The following PITPNM3 variants were observed in gnomAD, a reference collection of about 807,000 sequenced individuals.
The protein encoded by PITPNM3 is membrane-associated phosphatidylinositol transfer protein 3.
A neutral mutation model predicts 102.0 loss-of-function variants in PITPNM3; 26 were observed. The ratio of observed to expected loss-of-function variants is 0.25; its 90% CI spans 0.19 to 0.35. The LOEUF is 0.35. Ranked by LOEUF, PITPNM3 falls within the 10% of genes least tolerant of loss-of-function variation. PITPNM3 has a pLI of 1.00. For missense variants in PITPNM3, 1,083 were observed against 1,346.1 expected (o/e 0.80, Z 3.06); for synonymous variants, 578 against 558.6 (o/e 1.03, Z -0.49).
Position 6,483,576 on chromosome 17 carries a change from G to A in PITPNM3, c.528C>T (p.Ile176=), listed in dbSNP as rs1235896213. 6.2e-7 allele frequency: 1 copy of A among 1,613,970 alleles called. No individual in the cohort carries two copies. Among genetic ancestry groups the A allele is most frequent in the East Asian group, 2.2e-5 (1 of 44,870 alleles). The change falls in exon 6 of 20, where the codon ATC becomes ATT. Residue 176 remains isoleucine (I), a synonymous_variant. Coordinates refer to ENST00000262483, the MANE Select transcript of PITPNM3 (RefSeq NM_031220.4). ...RAHFPAALGH[I]LIKFVPCPAI... ...CAGGACAGGGGACGAACTTGATGAG[G>A]ATGTGGCCCAGGGCAGCAGGGAAAT...
At chr17:6,546,261 G>A (rs1375919650) in intron 1 of PITPNM3, among the ~76,000 whole-genome samples, 1 of 152,222 alleles carries the variant, frequency 6.6e-6, no homozygotes, top group Non-Finnish European at 1.5e-5. Flanking sequence ...TGTTTCAGGG[G>A]ACACGCCAGG....
intron 4 of PITPNM3, among the ~76,000 whole-genome samples, chr17:6,489,952 C>T (rs1241084890): frequency 2.6e-5 from 4 of 151,218 alleles, no homozygotes; most frequent in East Asian, 1.9e-4. Flanking sequence ...TGCAGTGAGC[C>T]GAGATCACAC....
chr17:6,529,382 C>T (rs1028499325), intron 2 of PITPNM3, among the ~76,000 whole-genome samples: 3 of 152,090 alleles, frequency 2.0e-5, no homozygotes, highest in Non-Finnish European at 2.9e-5. Flanking sequence ...ATCACAAGGG[C>T]AGGAGTTCGA....
chr17:6,453,032 G>A lies in PITPNM3; in HGVS notation c.*2306C>T, dbSNP rs372733033. The A allele has an allele frequency of 2.9e-5, 4 of 139,044 alleles. No homozygotes were observed. The highest frequency in any genetic ancestry group is 6.1e-5 in the Non-Finnish European group (4 of 65,904). The allele number at this position is 139,044 out of a possible 1,614,324, so 8.6% of individuals were successfully genotyped here. On this transcript the variant is annotated 3_prime_UTR_variant, in exon 20 of 20. Transcript: ENST00000262483. The stretch of plus-strand genomic sequence containing the variant: ...TCTCTCTCTCTCTCTCTGCCTTCCT[G>A]TCTTTCTTTCTCCCTCTCTCTCTCT...
intron 17 of PITPNM3, among the ~76,000 whole-genome samples, chr17:6,462,269 C>G (rs530771088): frequency 7.2e-5 from 11 of 152,252 alleles, no homozygotes; most frequent in African/African-American, 2.6e-4. Flanking sequence ...TCCTGTACAT[C>G]GCAAATCTAA....
At chr17:6,515,699 T>C (rs925400179) in intron 3 of PITPNM3, among the ~76,000 whole-genome samples, 4 of 145,308 alleles carry the variant, frequency 2.8e-5, no homozygotes, top group African/African-American at 5.2e-5. Flanking sequence ...CAATCTTAAG[T>C]GTGTAGTTAT....
Position 6,472,179 on chromosome 17 carries a change from C to T in PITPNM3, c.1429+478G>A, listed in dbSNP as rs542729911. On this transcript the variant is annotated intron_variant, in intron 11 of 19. Coordinates refer to ENST00000262483, the MANE Select transcript of PITPNM3 (RefSeq NM_031220.4). The surrounding 1 kb of genome is among the most constrained non-coding windows in gnomAD (Gnocchi z 4.1). ...CTTCGCCAAAACACCTGCCCTCGCTCCTGCTGTTCTCCCTGCCTGGAAGAT... is the reference window on the plus strand; with the variant it reads ...CTTCGCCAAAACACCTGCCCTCGCTTCTGCTGTTCTCCCTGCCTGGAAGAT... Among the ~76,000 whole-genome samples, 1 of 152,300 alleles carries T rather than the reference C, an allele frequency of 6.6e-6. No homozygotes were observed. Among genetic ancestry groups the T allele is most frequent in the African/African-American group, 2.4e-5 (1 of 41,570 alleles).
chr17:6,491,073 A>G (rs1597380798), intron 4 of PITPNM3, among the ~76,000 whole-genome samples: 1 of 39,784 alleles, frequency 2.5e-5, no homozygotes, highest in African/African-American at 1.1e-4. Context: ...GGGGGAGGGG[A>G]GGAAAGGGGA....
intron 2 of PITPNM3, among the ~76,000 whole-genome samples, chr17:6,532,926 G>A (rs1411393967): frequency 1.3e-5 from 2 of 152,118 alleles, no homozygotes; most frequent in South Asian, 2.1e-4. Flanking sequence ...CCCGCCAGCC[G>A]AGTTTGAAAG....
intron 1 of PITPNM3, among the ~76,000 whole-genome samples, chr17:6,552,881 C>T (rs928973907): frequency 6.6e-6 from 1 of 151,566 alleles, no homozygotes; most frequent in Admixed American, 6.6e-5. Flanking sequence ...ATTCTCTCGC[C>T]TCAGCCTCTC....
At chr17:6,482,499 T>C (rs1004727387) in intron 6 of PITPNM3, among the ~76,000 whole-genome samples, 3 of 152,150 alleles carry the variant, frequency 2.0e-5, no homozygotes, top group African/African-American at 4.8e-5. Flanking sequence ...TGATTCAGCA[T>C]TTTCCTGAGT....
At chr17:6,495,856 T>C (rs932456069) in intron 4 of PITPNM3, among the ~76,000 whole-genome samples, 1 of 152,182 alleles carries the variant, frequency 6.6e-6, no homozygotes, top group Non-Finnish European at 1.5e-5. Flanking sequence ...GGGCGATTCT[T>C]CCACGTGGAA....
At chr17:6,542,741 G>C (rs1178718254) in intron 1 of PITPNM3, among the ~76,000 whole-genome samples, 1 of 152,210 alleles carries the variant, frequency 6.6e-6, no homozygotes, top group Admixed American at 6.5e-5. Flanking sequence ...CAAGGATTGA[G>C]GCAGGGTAAG....
In PITPNM3 at chr17:6,453,149, C is replaced by T. The variant is rs1913942231; in HGVS notation, c.*2189G>A. 6.6e-6 allele frequency: 1 copy of T among 151,810 alleles called. No homozygotes were observed. Among genetic ancestry groups the T allele is most frequent in the African/African-American group, 2.4e-5 (1 of 41,258 alleles). 9.4% of individuals were successfully genotyped at this position (151,810 alleles called of 1,614,324 possible). A position where few individuals can be genotyped will look rare whatever the true frequency, so the allele number is the denominator to read the frequency against. ...CCTCTCTCTCTCTCTCTCTCCCTCT[C>T]TCTCTTTCTCTCTCCCTCTCCCTCT... On this transcript the variant is annotated 3_prime_UTR_variant, in exon 20 of 20. Transcript: ENST00000262483.
intron 8 of PITPNM3, 22 bp from the exon 9 acceptor site, chr17:6,477,235 A>G (rs754230194): frequency 2.5e-6 from 4 of 1,611,906 alleles, no homozygotes; most frequent in Non-Finnish European, 3.4e-6. Flanking sequence ...AACAGGGGAC[A>G]GGAGAGAAAA....
chr17:6,482,308 T>C (rs1367518637), intron 6 of PITPNM3, among the ~76,000 whole-genome samples: 1 of 151,976 alleles, frequency 6.6e-6, no homozygotes, highest in Admixed American at 6.6e-5. Flanking sequence ...ATCTATGTTG[T>C]CAATCATGCC....
intron 9 of PITPNM3, among the ~76,000 whole-genome samples, chr17:6,475,967 T>C (rs1438174034): frequency 6.6e-6 from 1 of 152,222 alleles, no homozygotes; most frequent in Non-Finnish European, 1.5e-5. Flanking sequence ...ATCACCCTAA[T>C]ATATACATTA....
At chr17:6,525,506 G>A (rs778933254) in intron 2 of PITPNM3, 43 bp from the exon 3 acceptor site, 1 of 1,460,190 alleles carries the variant, frequency 6.8e-7, no homozygotes, top group South Asian at 1.1e-5. Context: ...GTGCAGCTAG[G>A]GATAGGTAGC....
chr17:6,471,023 G>T (rs1013688329), intron 12 of PITPNM3, 138 bp downstream of exon 12: 4 of 1,008,768 alleles, frequency 4.0e-6, no homozygotes, highest in South Asian at 3.0e-5. Context: ...AAAGGCAGAA[G>T]CAAGCCCCCA....
Sources: allele counts gnomAD v4.1 joint callset (sites outside exome capture counted in the v4.1 genomes callset), GRCh38; gene constraint gnomAD v4.1.1; non-coding constraint Gnocchi (gnomAD v3.1); transcripts MANE v1.5; gene names NCBI Gene and HGNC (gene_info 2026-07-23, HGNC 2026-07-21).